Variants in LCORL observed in about 807,000 individuals in gnomAD.
LCORL encodes the protein ligand-dependent nuclear receptor corepressor-like protein.
A neutral mutation model predicts 141.8 loss-of-function variants in LCORL; 41 were observed. The observed-to-expected ratio is 0.29, with a 90% CI of 0.23 to 0.38. The LOEUF (loss-of-function observed/expected upper bound fraction) is 0.38. Among genes scored for constraint, LCORL ranks in the 10% least tolerant of loss-of-function variants. LCORL has a pLI of 1.00. For missense variants in LCORL, 1,759 were observed against 2,035.0 expected, an observed-to-expected ratio of 0.86 and a Z score of 2.61; for synonymous variants, 618 against 694.1, an observed-to-expected ratio of 0.89 and a Z score of 1.72.
intron 4 of LCORL, among the ~76,000 whole-genome samples, chr4:17,935,050 A>C (rs1490540277): frequency 3.9e-5 from 6 of 152,178 alleles, no homozygotes; most frequent in Non-Finnish European, 8.8e-5. Flanking sequence ...CTGACTAAAA[A>C]AAAGTGATAT....
chr4:17,972,923 G>C (rs751223475), intron 1 of LCORL, 38 bp from the exon 2 acceptor site: 1 of 948,146 alleles, frequency 1.1e-6, no homozygotes, highest in South Asian at 2.5e-5. Context: ...TTAACTACTA[G>C]AAAAGTTACA....
chr4:17,922,893 A>G (rs1734519750), intron 4 of LCORL, among the ~76,000 whole-genome samples: 1 of 152,154 alleles, frequency 6.6e-6, no homozygotes, highest in Non-Finnish European at 1.5e-5. Flanking sequence ...TCCCTTCCCC[A>G]ACCTGGGCAG....
At chr4:17,852,074 A>G (rs913794358) in intron 7 of LCORL, among the ~76,000 whole-genome samples, 1 of 152,054 alleles carries the variant, frequency 6.6e-6, no homozygotes, top group African/African-American at 2.4e-5. Context: ...TTATTAGTTT[A>G]TATCTCTTAT....
At position 17,938,685 on chromosome 4, in the gene LCORL, T is replaced by C. The variant is rs895840857; in HGVS notation, c.430+23218A>G. On this transcript the variant is annotated intron_variant, in intron 4 of 7. Coordinates refer to ENST00000635767, the Ensembl canonical transcript of LCORL. The stretch of plus-strand genomic sequence containing the variant: ...GCCTCAGCCTCCCAAAGTGCTGGGA[T>C]TGCAGGTGTGAGCCACCGCGCCCGG... Among the ~76,000 whole-genome samples, 7 of 152,146 alleles carry C rather than the reference T, an allele frequency of 4.6e-5. No individual in the cohort carries two copies. In the East Asian group the frequency reaches 1.2e-3, roughly 25 times the overall value.
At chr4:18,004,471 A>T (rs905766054) in intron 1 of LCORL, among the ~76,000 whole-genome samples, 2 of 152,128 alleles carry the variant, frequency 1.3e-5, no homozygotes, top group African/African-American at 2.4e-5. Flanking sequence ...AAACCGTCCG[A>T]TCTCATGAAA....
At chr4:17,873,048 T>C (rs761430821) in intron 7 of LCORL, among the ~76,000 whole-genome samples, 1 of 152,180 alleles carries the variant, frequency 6.6e-6, no homozygotes, top group Non-Finnish European at 1.5e-5. Context: ...CTTGGTTATA[T>C]TTATCTGTCA....
rs929686477 is a variant in LCORL, at chr4:18,021,853, G to A, written c.-102C>T. On this transcript the variant is annotated 5_prime_UTR_variant, in exon 1 of 8. Coordinates refer to ENST00000635767, the Ensembl canonical transcript of LCORL. The surrounding 1 kb of genome is among the most constrained non-coding windows in gnomAD (Gnocchi z 5.5). ...AGCCCCGGAGCGCGCGCCCCCCGGA[G>A]GGGGGTTGATTGACACGTGTCACTA... 9.8e-6 allele frequency: 13 copies of A among 1,329,336 alleles called. No individual in the cohort carries two copies. Among genetic ancestry groups the A allele is most frequent in the African/African-American group, 3.1e-5 (2 of 63,944 alleles). The allele number at this position is 1,329,336 out of a possible 1,614,324, so 82.3% of individuals were successfully genotyped here.
At chr4:18,007,609 C>T (rs1299902540) in intron 1 of LCORL, among the ~76,000 whole-genome samples, 1 of 152,050 alleles carries the variant, frequency 6.6e-6, no homozygotes, top group African/African-American at 2.4e-5. Context: ...ATGCCCTGTC[C>T]ATAAATAATT....
chr4:17,994,134 G>T (rs1244610032), intron 1 of LCORL, among the ~76,000 whole-genome samples: 1 of 152,096 alleles, frequency 6.6e-6, no homozygotes, highest in Non-Finnish European at 1.5e-5. Flanking sequence ...GTATGCAGGT[G>T]GAAGATGGGG....
intron 5 of LCORL, 113 bp from the exon 6 acceptor site, chr4:17,886,274 G>A (rs1240423525): frequency 7.5e-6 from 5 of 664,586 alleles, no homozygotes; most frequent in Non-Finnish European, 1.3e-5. Context: ...TTGATATGTG[G>A]CCATTACCTA....
chr4:17,943,771 G>A (rs2109493309), intron 4 of LCORL, among the ~76,000 whole-genome samples: 1 of 152,282 alleles, frequency 6.6e-6, no homozygotes, highest in East Asian at 1.9e-4. Flanking sequence ...CAGAATCATA[G>A]GACCTTTGGT....
chr4:17,910,531 T>C (rs1482163641), intron 4 of LCORL, among the ~76,000 whole-genome samples: 1 of 152,196 alleles, frequency 6.6e-6, no homozygotes, highest in Non-Finnish European at 1.5e-5. Context: ...GAGACTGAAG[T>C]GGAAGTCTCC....
chr4:17,886,552 G>A (rs1436237075), intron 5 of LCORL, among the ~76,000 whole-genome samples: 1 of 152,020 alleles, frequency 6.6e-6, no homozygotes, highest in Non-Finnish European at 1.5e-5. Flanking sequence ...ACAAAATGGA[G>A]AGAATAGAAA....
chr4:18,012,627 A>G lies in LCORL; in HGVS notation c.154+8971T>C, dbSNP rs116088698. Among the ~76,000 whole-genome samples, 405 of 152,286 alleles carry G rather than the reference A, an allele frequency of 2.7e-3. 3 individuals carry two copies. Among genetic ancestry groups the G allele is most frequent in the African/African-American group, 9.1e-3 (377 of 41,554 alleles). On this transcript the variant is annotated intron_variant, in intron 1 of 7. Coordinates refer to ENST00000635767, the Ensembl canonical transcript of LCORL. The stretch of plus-strand genomic sequence containing the variant: ...TTCTTTTAAAATGTGTAATGCACCA[A>G]TGTTACACATACCACATCTCAGTAA...
chr4:17,879,392 T>C (rs1727273360), intron 6 of LCORL, among the ~76,000 whole-genome samples: 1 of 150,976 alleles, frequency 6.6e-6, no homozygotes, highest in African/African-American at 2.4e-5. Context: ...AAAAGATAAC[T>C]TTACTAGATT....
chr4:17,934,922 T>C (rs374796662), intron 4 of LCORL, among the ~76,000 whole-genome samples: 8 of 152,138 alleles, frequency 5.3e-5, no homozygotes, highest in South Asian at 2.1e-4. Flanking sequence ...ATTAAGTCTT[T>C]CTAAAAAACG....
chr4:17,893,254 T>C (rs1729385770), intron 5 of LCORL: 1 of 457,586 alleles, frequency 2.2e-6, no homozygotes, highest in South Asian at 9.4e-5. Context: ...GCAATTTCAC[T>C]TCTAGGAATT....
exon 7 of LCORL, chr4:17,876,068 G>A: frequency 8.1e-7 from 1 of 1,230,924 alleles, no homozygotes; most frequent in Non-Finnish European, 1.0e-6. Context: ...AAGTATATTT[G>A]ACCCCTTCAC....
At chr4:17,938,905 G>A (rs933637305) in intron 4 of LCORL, among the ~76,000 whole-genome samples, 1 of 151,988 alleles carries the variant, frequency 6.6e-6, no homozygotes, top group Non-Finnish European at 1.5e-5. Flanking sequence ...CTACCCTAGG[G>A]AGGGCATCAG....
Sources: gnomAD v4.1 joint callset for allele counts (sites outside exome capture counted in the v4.1 genomes callset) on GRCh38, gnomAD v4.1.1 for gene constraint, Gnocchi (gnomAD v3.1) non-coding constraint, MANE v1.5 for transcripts, NCBI Gene and HGNC (gene_info 2026-07-23, HGNC 2026-07-21) for gene names.